KCNJ14: variants seen among roughly 807,000 people sequenced by gnomAD.
KCNJ14 encodes the protein ATP-sensitive inward rectifier potassium channel 14.
A neutral mutation model predicts 24.5 loss-of-function variants in KCNJ14; 18 were observed. The ratio of observed to expected loss-of-function variants is 0.74; its 90% CI spans 0.51 to 1.09. The LOEUF (loss-of-function observed/expected upper bound fraction) is 1.09, where lower values mean the gene tolerates loss of function less well. Among genes scored for constraint, KCNJ14 ranks in the 50% least tolerant of loss-of-function variants. The pLI, the probability that KCNJ14 is intolerant of heterozygous loss-of-function variation, is 0.00. For missense variants in KCNJ14, 633 were observed against 623.0 expected (o/e 1.02, Z -0.17); for synonymous variants, 288 against 270.8 (o/e 1.06, Z -0.63).
In KCNJ14 at chr19:48,461,962, A is replaced by G. The variant is rs1366084041; in HGVS notation, c.238A>G (p.Thr80Ala). 1 of 1,613,120 alleles carries G rather than the reference A, an allele frequency of 6.2e-7. No individual in the cohort carries two copies. Among genetic ancestry groups the G allele is most frequent in the South Asian group, 1.1e-5 (1 of 91,024 alleles). Residue 80 changes from threonine (T) to alanine (A), a missense_variant, in exon 2 of 3, where the codon ACA becomes GCA. Coordinates refer to ENST00000342291, the MANE Select transcript of KCNJ14 (RefSeq NM_013348.4). ...GARYLSDLFT[T>A]CVDVRWRWMC... ...GCGCTACCTGAGCGACCTGTTCACC[A>G]CATGCGTGGACGTGCGCTGGCGCTG...
intron 2 of KCNJ14, among the ~76,000 whole-genome samples, chr19:48,463,487 C>A (rs372607349): frequency 1.6e-4 from 25 of 152,114 alleles, no homozygotes; most frequent in African/African-American, 5.1e-4. Context: ...GGCTATGGAA[C>A]CAGCGGGTAG....
Position 48,458,408 on chromosome 19 carries a change from A to G in KCNJ14, c.-56+2550A>G, listed in dbSNP as rs145085719. ...AAAATGGTATTCCTTTGTGCTTTTG[A>G]TTTGCATTTCTCTGATGGCTAATGA... On this transcript the variant is annotated intron_variant, in intron 1 of 2. Coordinates refer to ENST00000342291, the MANE Select transcript of KCNJ14 (RefSeq NM_013348.4). 2.2e-3 allele frequency among the ~76,000 whole-genome samples: 342 copies of G among 152,098 alleles called. 2 individuals are homozygous for G. Among genetic ancestry groups the G allele is most frequent in the African/African-American group, 7.9e-3 (326 of 41,448 alleles).
At chr19:48,456,820 T>A (rs1971544060) in intron 1 of KCNJ14, 1 of 151,940 alleles carries the variant, frequency 6.6e-6, no homozygotes, top group Non-Finnish European at 1.5e-5. Context: ...TGCGATTCCC[T>A]CCATTTCTTT....
At position 48,462,487 on chromosome 19, in the gene KCNJ14, T is replaced by G; in HGVS notation, c.714+49T>G. On this transcript the variant is annotated intron_variant, in intron 2 of 2. Coordinates refer to ENST00000342291, the MANE Select transcript of KCNJ14 (RefSeq NM_013348.4). The surrounding 1 kb of genome is among the most constrained non-coding windows in gnomAD (Gnocchi z 4.9). ...GACTTCCGTGAGCCCTGGGGGATTG[T>G]GGGAGATGTAGGCCCGAGGGCGAGG... 7.3e-7 allele frequency: 1 copy of G among 1,376,152 alleles called. No individual in the cohort carries two copies. Among genetic ancestry groups the G allele is most frequent in the African/African-American group, 1.5e-5 (1 of 68,090 alleles). 85.2% of individuals were successfully genotyped at this position (1,376,152 alleles called of 1,614,324 possible). A position where few individuals can be genotyped will look rare whatever the true frequency, so the allele number is the denominator to read the frequency against.
At chr19:48,455,919 G>A (rs1385481248) in intron 1 of KCNJ14, 61 bp downstream of exon 1, 1 of 152,260 alleles carries the variant, frequency 6.6e-6, no homozygotes, top group Admixed American at 6.5e-5. Context: ...CTCATCACGA[G>A]GCCTCGTACA....
intron 2 of KCNJ14, among the ~76,000 whole-genome samples, chr19:48,463,460 G>A (rs1322676835): frequency 6.6e-6 from 1 of 152,182 alleles, no homozygotes; most frequent in African/African-American, 2.4e-5. Flanking sequence ...GTGGGGCAGT[G>A]ACTTGGCCTG....
At chr19:48,457,964 G>T (rs922465407) in intron 1 of KCNJ14, among the ~76,000 whole-genome samples, 1 of 152,162 alleles carries the variant, frequency 6.6e-6, no homozygotes, top group Non-Finnish European at 1.5e-5. Context: ...GGGATTACAG[G>T]TGCGAGCCAC....
chr19:48,464,268 C>T lies in KCNJ14; in HGVS notation c.802C>T (p.Leu268Phe), dbSNP rs775442705. 7 of 1,614,060 alleles carry T rather than the reference C, an allele frequency of 4.3e-6. No individual in the cohort carries two copies. Among genetic ancestry groups the T allele is most frequent in the South Asian group, 3.3e-5 (3 of 91,078 alleles). Residue 268 changes from leucine (L) to phenylalanine (F), a missense_variant, in exon 3 of 3, where the codon CTC (leucine) becomes TTC (phenylalanine). Physicochemically the swap from Leu to Phe is conservative, Grantham distance 22 (BLOSUM62 0). Coordinates refer to ENST00000342291, the MANE Select transcript of KCNJ14 (RefSeq NM_013348.4). ...GFDGGTDRIF[L>F]VSPITIVHEI... is the part of the protein sequence containing the mutation. ...TGATGGAGGCACCGATCGTATCTTC[C>T]TCGTGTCCCCCATCACCATCGTCCA...
chr19:48,458,930 C>T (rs1370852877), intron 1 of KCNJ14, among the ~76,000 whole-genome samples: 24 of 83,712 alleles, frequency 2.9e-4, no homozygotes, highest in Non-Finnish European at 4.5e-4. Flanking sequence ...AGTGAGACTC[C>T]GTCTCAAAAA....
In KCNJ14 at chr19:48,462,690, C is replaced by T. The variant is rs1057347230; in HGVS notation, c.714+252C>T. ...AGCTTCCTGTGGCTTGAGGATTGCC[C>T]GCCTGTGGGTAGACCCCAAAAGGGC... On this transcript the variant is annotated intron_variant, in intron 2 of 2. Coordinates refer to ENST00000342291, the MANE Select transcript of KCNJ14 (RefSeq NM_013348.4). This position sits in a 1 kb window ranked among gnomAD's most constrained non-coding sequence, Gnocchi z 4.9. Among the ~76,000 whole-genome samples the T allele has an allele frequency of 6.6e-6, 1 of 152,204 alleles. No homozygotes were observed. Among genetic ancestry groups the T allele is most frequent in the African/African-American group, 2.4e-5 (1 of 41,450 alleles).
chr19:48,458,880 G>A (rs1971562665), intron 1 of KCNJ14, among the ~76,000 whole-genome samples: 1 of 142,210 alleles, frequency 7.0e-6, no homozygotes, highest in Non-Finnish European at 1.5e-5. Flanking sequence ...AGGTTGCAGT[G>A]AGCTGAGATT....
Position 48,462,297 on chromosome 19 carries a change from C to A in KCNJ14, c.573C>A (p.Pro191=), listed in dbSNP as rs1183292558. Residue 191 remains proline (P), a synonymous_variant, in exon 2 of 3, where the codon CCC becomes CCA. Transcript: ENST00000342291. This position sits in a 1 kb window ranked among gnomAD's most constrained non-coding sequence, Gnocchi z 4.9. ...CTGTCATGGCCAAGATGGCCAAACC[C>A]AAGAAGCGCAACGAGACGCTGGTCT... ...VGAVMAKMAK[P]KKRNETLVFS... is the part of the protein sequence containing the mutation. 1.9e-6 allele frequency: 3 copies of A among 1,548,104 alleles called. No individual in the cohort carries two copies. In the Admixed American group the frequency reaches 5.9e-5, roughly 30 times the overall value.
In KCNJ14 at chr19:48,464,405, C is replaced by A. The variant is rs996562660; in HGVS notation, c.939C>A (p.Thr313=). 3 of 1,613,528 alleles carry A rather than the reference C, an allele frequency of 1.9e-6. No homozygotes were observed. Among genetic ancestry groups the A allele is most frequent in the Non-Finnish European group, 2.5e-6 (3 of 1,179,810 alleles). ...LEGMVEATAM[T]TQCRSSYLPG... Reference sequence around the variant, plus strand: ...GGATGGTTGAGGCCACAGCCATGACCACACAGTGTCGCTCGTCCTACCTCC... The same window carrying A: ...GGATGGTTGAGGCCACAGCCATGACAACACAGTGTCGCTCGTCCTACCTCC... The change falls in exon 3 of 3, where the codon ACC becomes ACA. Residue 313 remains threonine, a synonymous_variant. Transcript: ENST00000342291.
In KCNJ14 at chr19:48,464,611, C is replaced by T; in HGVS notation, c.1145C>T (p.Pro382Leu). ...QASHSLKSSF[P>L]GSLTAFCYEN... ...TCCCACAGCCTCAAGTCTAGTTTCC[C>T]CGGCTCTCTGACTGCATTTTGTTAT... Residue 382 changes from proline (P) to leucine (L), a missense_variant, in exon 3 of 3, where the codon CCC becomes CTC. Physicochemically the swap from Pro to Leu is moderately conservative, Grantham distance 98 (BLOSUM62 -3). Coordinates refer to ENST00000342291, the MANE Select transcript of KCNJ14 (RefSeq NM_013348.4). 2 of 1,614,174 alleles carry T rather than the reference C, an allele frequency of 1.2e-6. No homozygotes were observed. The highest frequency in any genetic ancestry group is 1.3e-5 in the African/African-American group (1 of 75,056).
Position 48,462,550 on chromosome 19 carries a change from C to T in KCNJ14, c.714+112C>T. On this transcript the variant is annotated intron_variant, in intron 2 of 2. Transcript: ENST00000342291. This position sits in a 1 kb window ranked among gnomAD's most constrained non-coding sequence, Gnocchi z 4.9. ...TGGAGGGGGCGTGGACTACAACTCC[C>T]AGCAGCCTCTTGGGCCTGGGGCCTG... 2 of 793,928 alleles carry T rather than the reference C, an allele frequency of 2.5e-6. No homozygotes were observed. Among genetic ancestry groups the T allele is most frequent in the East Asian group, 5.8e-5 (2 of 34,748 alleles). The allele number at this position is 793,928 out of a possible 1,614,324, so 49.2% of individuals were successfully genotyped here.
rs755684118 is a variant in KCNJ14, at chr19:48,464,578, A to G, written c.1112A>G (p.Glu371Gly). The change falls in exon 3 of 3, where the codon GAG (glutamate) becomes GGG (glycine). Residue 371 changes from glutamate to glycine, a missense_variant. Physicochemically the swap from Glu to Gly is moderately conservative, Grantham distance 98. Coordinates refer to ENST00000342291, the MANE Select transcript of KCNJ14 (RefSeq NM_013348.4). ...GCTAAGGAGCTGGATGAACGGGCAG[A>G]GCAGGCTTCCCACAGCCTCAAGTCT... is the stretch of plus-strand genomic sequence containing the variant. Reference protein sequence around the residue: ...CSAKELDERAEQASHSLKSSF... With the variant: ...CSAKELDERAGQASHSLKSSF... 1.8e-5 allele frequency: 29 copies of G among 1,614,020 alleles called. No individual in the cohort carries two copies. The East Asian group carries it at 6.2e-4, about 35-fold the overall frequency.
chr19:48,461,782 C>T lies in KCNJ14; in HGVS notation c.58C>T (p.Arg20Trp), dbSNP rs769461028. The T allele has an allele frequency of 1.4e-5, 21 of 1,458,106 alleles. No individual in the cohort carries two copies. The highest frequency in any genetic ancestry group is 7.3e-5 in the South Asian group (5 of 68,478). The allele number at this position is 1,458,106 out of a possible 1,614,324, so 90.3% of individuals were successfully genotyped here. Residue 20 changes from arginine (R) to tryptophan (W), a missense_variant, in exon 2 of 3, where the codon CGG becomes TGG. Physicochemically the swap from Arg to Trp is moderately radical, Grantham distance 101. Coordinates refer to ENST00000342291, the MANE Select transcript of KCNJ14 (RefSeq NM_013348.4). Reference sequence around the variant, plus strand: ...CGGCGCCCTGGATTCGGGAGACAGCCGGGCGGGCGATGAAGAGGAGGCCGG... The same window carrying T: ...CGGCGCCCTGGATTCGGGAGACAGCTGGGCGGGCGATGAAGAGGAGGCCGG... ...LSGALDSGDSRAGDEEEAGPG... is the reference protein window; with the variant it reads ...LSGALDSGDSWAGDEEEAGPG...
intron 2 of KCNJ14, among the ~76,000 whole-genome samples, chr19:48,463,518 C>T (rs1029409754): frequency 2.6e-5 from 4 of 152,100 alleles, no homozygotes; most frequent in Non-Finnish European, 4.4e-5. Flanking sequence ...AATACCCACA[C>T]CCCCACAAAG....
In KCNJ14 at chr19:48,464,600, G is replaced by A. The variant is rs1436599822; in HGVS notation, c.1134G>A (p.Lys378=). 1.2e-6 allele frequency: 2 copies of A among 1,614,146 alleles called. No homozygotes were observed. Among genetic ancestry groups the A allele is most frequent in the Non-Finnish European group, 1.7e-6 (2 of 1,180,028 alleles). The change falls in exon 3 of 3, where the codon AAG becomes AAA. Residue 378 remains lysine, a synonymous_variant. Transcript: ENST00000342291. ...CAGAGCAGGCTTCCCACAGCCTCAA[G>A]TCTAGTTTCCCCGGCTCTCTGACTG... ...ERAEQASHSL[K]SSFPGSLTAF... is the part of the protein sequence containing the mutation.
Sources: gnomAD v4.1 joint callset for allele counts (sites outside exome capture counted in the v4.1 genomes callset) on GRCh38, gnomAD v4.1.1 for gene constraint, Gnocchi (gnomAD v3.1) non-coding constraint, MANE v1.5 for transcripts, NCBI Gene and HGNC (gene_info 2026-07-23, HGNC 2026-07-21) for gene names.